Variants in PCDHGA5 observed in about 807,000 individuals in gnomAD.
PCDHGA5 encodes protocadherin gamma-A5.
In PCDHGA5, 36 loss-of-function variants were observed where a neutral mutation model predicts 56.7. The ratio of observed to expected loss-of-function variants is 0.64; its 90% CI spans 0.49 to 0.84. The LOEUF (loss-of-function observed/expected upper bound fraction) is 0.84, where lower values mean the gene tolerates loss of function less well. Among genes scored for constraint, PCDHGA5 ranks in the 40% least tolerant of loss-of-function variants. The pLI, the probability that PCDHGA5 is intolerant of heterozygous loss-of-function variation, is 0.00. For missense variants in PCDHGA5, 1,305 were observed against 1,201.5 expected (o/e 1.09, Z -1.27); for synonymous variants, 563 against 520.2 (o/e 1.08, Z -1.12).
At position 141,398,948 on chromosome 5, in the gene PCDHGA5, A is replaced by T. The variant is rs775133149; in HGVS notation, c.2421+32197A>T. The T allele has an allele frequency of 2.5e-6, 4 of 1,613,958 alleles. No homozygotes were observed. The South Asian group carries it at 3.3e-5, about 13-fold the overall frequency. On this transcript the variant is annotated intron_variant, in intron 1 of 3. Transcript: ENST00000518069. The stretch of plus-strand genomic sequence containing the variant: ...GCCACTGACCAAGACGAGGGCATCA[A>T]CTCAGAAATTACTTATTCCTTCTAC...
intron 1 of PCDHGA5, chr5:141,404,933 A>C (rs2094586796): frequency 6.2e-7 from 1 of 1,613,764 alleles, no homozygotes; most frequent in Non-Finnish European, 8.5e-7. Flanking sequence ...TGTCACGCTC[A>C]CAGTAGCCAT....
At chr5:141,423,147 G>A (rs545052756) in intron 1 of PCDHGA5, 4 of 1,613,578 alleles carry the variant, frequency 2.5e-6, no homozygotes, top group African/African-American at 2.7e-5. Context: ...ACGCGCTCAA[G>A]CAGAGCCTCG....
intron 1 of PCDHGA5, chr5:141,390,043 C>A (rs1022492557): frequency 1.9e-6 from 3 of 1,613,946 alleles, no homozygotes; most frequent in Non-Finnish European, 2.5e-6. Context: ...TCCAGCCCCG[C>A]CTCCTGGAGC....
chr5:141,407,406 C>T (rs971404616), intron 1 of PCDHGA5, among the ~76,000 whole-genome samples: 2 of 152,090 alleles, frequency 1.3e-5, no homozygotes, highest in East Asian at 3.8e-4. Flanking sequence ...AGTTACTATT[C>T]GATACCACAA....
chr5:141,470,778 C>A (rs1047167697), intron 1 of PCDHGA5, among the ~76,000 whole-genome samples: 1 of 152,132 alleles, frequency 6.6e-6, no homozygotes, highest in African/African-American at 2.4e-5. Context: ...GTCTTGAATT[C>A]CTGGGCTCAA....
At chr5:141,376,228 A>G (rs762009445) in intron 1 of PCDHGA5, 17 of 1,613,956 alleles carry the variant, frequency 1.1e-5, no homozygotes, top group Admixed American at 3.3e-5. Context: ...TGGCGCTCAG[A>G]CTGCAGCGCT....
Position 141,491,094 on chromosome 5 carries a change from G to C in PCDHGA5, c.2422-3713G>C, listed in dbSNP as rs1240705650. The C allele has an allele frequency of 1.9e-6, 3 of 1,614,202 alleles. No homozygotes were observed. Among genetic ancestry groups the C allele is most frequent in the Non-Finnish European group, 2.5e-6 (3 of 1,180,030 alleles). On this transcript the variant is annotated intron_variant, in intron 1 of 3. Coordinates refer to ENST00000518069, the MANE Select transcript of PCDHGA5 (RefSeq NM_018918.3). The surrounding 1 kb of genome is among the most constrained non-coding windows in gnomAD (Gnocchi z 6.9). The stretch of plus-strand genomic sequence containing the variant: ...TGCCACAGTCCACAGCCCCAGGACT[G>C]TTCCTCGTGTCTACACACACTGGTG...
At chr5:141,423,099 G>C (rs1344463949) in intron 1 of PCDHGA5, 1 of 1,613,826 alleles carries the variant, frequency 6.2e-7, no homozygotes, top group Non-Finnish European at 8.5e-7. Flanking sequence ...GGGAGCACAC[G>C]GGCGAGGTGC....
chr5:141,429,741 C>T (rs2097240604), intron 1 of PCDHGA5, among the ~76,000 whole-genome samples: 1 of 152,106 alleles, frequency 6.6e-6, no homozygotes, highest in Admixed American at 6.5e-5. Flanking sequence ...CCAGTTATTT[C>T]TTAGGGAGAA....
At chr5:141,456,215 C>T (rs1465130067) in intron 1 of PCDHGA5, among the ~76,000 whole-genome samples, 2 of 152,048 alleles carry the variant, frequency 1.3e-5, no homozygotes, top group African/African-American at 2.4e-5. Flanking sequence ...CTCCCTGTGG[C>T]GATATCAAAC....
At position 141,447,418 on chromosome 5, in the gene PCDHGA5, G is replaced by A. The variant is rs113957183; in HGVS notation, c.2422-47389G>A. On this transcript the variant is annotated intron_variant, in intron 1 of 3. Transcript: ENST00000518069. ...CTCCCAAAGTGCTGGGATTACAGGC[G>A]TGAGCCACCGCACCCGGAGGAAATT... Among the ~76,000 whole-genome samples, 1,263 of 152,230 alleles carry A rather than the reference G, an allele frequency of 8.3e-3. 17 individuals carry two copies. The highest frequency in any genetic ancestry group is 0.029 in the African/African-American group (1,197 of 41,538).
At chr5:141,409,761 T>C (rs1373037367) in intron 1 of PCDHGA5, 1 of 1,612,966 alleles carries the variant, frequency 6.2e-7, no homozygotes, top group African/African-American at 1.3e-5. Flanking sequence ...CAGCGCGCCT[T>C]TGATCACGAG....
At chr5:141,375,666 T>C (rs1771733109) in intron 1 of PCDHGA5, 1 of 1,614,122 alleles carries the variant, frequency 6.2e-7, no homozygotes, top group African/African-American at 1.3e-5. Context: ...TTGAGAGACC[T>C]ACAGCTGTGG....
chr5:141,456,773 G>A (rs1178932462), intron 1 of PCDHGA5, among the ~76,000 whole-genome samples: 6 of 151,980 alleles, frequency 3.9e-5, no homozygotes, highest in African/African-American at 1.2e-4. Context: ...GACCAGCCTG[G>A]CCTACATGGC....
intron 1 of PCDHGA5, chr5:141,409,175 G>A: frequency 5.0e-6 from 8 of 1,614,008 alleles, no homozygotes; most frequent in Non-Finnish European, 6.8e-6. Flanking sequence ...GAAGGACGGA[G>A]GTGGTCTCTC....
chr5:141,422,478 G>C, intron 1 of PCDHGA5: 1 of 1,613,914 alleles, frequency 6.2e-7, no homozygotes, highest in Non-Finnish European at 8.5e-7. Flanking sequence ...AGTTGGTCCA[G>C]AGCTACAATA....
At chr5:141,483,812 A>C (rs1188806533) in intron 1 of PCDHGA5, among the ~76,000 whole-genome samples, 2 of 152,162 alleles carry the variant, frequency 1.3e-5, no homozygotes, top group Non-Finnish European at 2.9e-5. Context: ...TTTTTTTGGC[A>C]GCCAGTGTAA....
At chr5:141,453,969 A>T (rs543979166) in intron 1 of PCDHGA5, among the ~76,000 whole-genome samples, 13 of 152,356 alleles carry the variant, frequency 8.5e-5, no homozygotes, top group South Asian at 2.1e-4. Flanking sequence ...CAAAGCATGT[A>T]GTTGTGTTGC....
intron 1 of PCDHGA5, chr5:141,418,650 T>A (rs764145825): frequency 5.0e-6 from 8 of 1,613,898 alleles, no homozygotes; most frequent in South Asian, 2.2e-5. Flanking sequence ...ATCCTGAGAG[T>A]GAAGGCCACT....
Sources: gnomAD v4.1 joint callset for allele counts (sites outside exome capture counted in the v4.1 genomes callset) on GRCh38, gnomAD v4.1.1 for gene constraint, Gnocchi (gnomAD v3.1) non-coding constraint, MANE v1.5 for transcripts, NCBI Gene and HGNC (gene_info 2026-07-23, HGNC 2026-07-21) for gene names.